The following TAFA4 variants were observed in gnomAD, a reference collection of about 807,000 sequenced individuals.
The protein encoded by TAFA4 is TAFA chemokine like family member 4, also known as chemokine-like protein TAFA-4.
In TAFA4, 20 loss-of-function variants were observed where a neutral mutation model predicts 21.1. The observed-to-expected ratio is 0.95, with a 90% CI of 0.67 to 1.38. The LOEUF (loss-of-function observed/expected upper bound fraction) is 1.38, where lower values mean the gene tolerates loss of function less well. Ranked by LOEUF, TAFA4 falls within the 40% of genes most tolerant of loss-of-function variation. The pLI is 0.00. For synonymous variants in TAFA4, 71 were observed against 67.4 expected (o/e 1.05, Z -0.26); for missense variants, 211 against 180.9 (o/e 1.17, Z -0.95).
intron 3 of TAFA4, among the ~76,000 whole-genome samples, chr3:68,755,441 T>C (rs1315945367): frequency 6.6e-6 from 1 of 152,164 alleles, no homozygotes; most frequent in African/African-American, 2.4e-5. Flanking sequence ...GCCATTCTGC[T>C]CCATGTGTCA....
intron 1 of TAFA4, among the ~76,000 whole-genome samples, chr3:68,929,004 C>T (rs1268924980): frequency 1.3e-5 from 2 of 151,552 alleles, no homozygotes; most frequent in Admixed American, 1.3e-4. Flanking sequence ...AAAAAAGAGC[C>T]CTTTTGACTG....
intron 3 of TAFA4, among the ~76,000 whole-genome samples, chr3:68,859,501 A>G (rs1297738145): frequency 1.3e-5 from 2 of 152,174 alleles, no homozygotes; most frequent in Non-Finnish European, 2.9e-5. Flanking sequence ...AATAAAATAG[A>G]GAGGGCAAAA....
At chr3:68,906,811 C>T (rs1461299839) in intron 1 of TAFA4, among the ~76,000 whole-genome samples, 1 of 151,990 alleles carries the variant, frequency 6.6e-6, no homozygotes, top group Non-Finnish European at 1.5e-5. Context: ...GGGTGGATCA[C>T]CTGAGTGTGG....
chr3:68,830,226 C>T (rs1158753501), intron 3 of TAFA4, among the ~76,000 whole-genome samples: 2 of 152,252 alleles, frequency 1.3e-5, no homozygotes, highest in African/African-American at 4.8e-5. Flanking sequence ...TTGTCTTCTG[C>T]TAGCTTTTGA....
intron 3 of TAFA4, among the ~76,000 whole-genome samples, chr3:68,777,509 A>G (rs186579352): frequency 2.6e-5 from 4 of 152,142 alleles, no homozygotes; most frequent in Admixed American, 2.0e-4. Flanking sequence ...AAATTTAAGC[A>G]GCTACATAGG....
intron 3 of TAFA4, among the ~76,000 whole-genome samples, chr3:68,853,230 G>GA (rs5849865): frequency 0.22 from 32,873 of 151,424 alleles, 4,483 homozygotes; most frequent in East Asian, 0.66. Context: ...TAGAGTTAAG[G>GA]AAAAAAAACT....
At chr3:68,797,726 G>A (rs1398926974) in intron 3 of TAFA4, among the ~76,000 whole-genome samples, 1 of 151,402 alleles carries the variant, frequency 6.6e-6, no homozygotes, top group Non-Finnish European at 1.5e-5. Flanking sequence ...AATACCATAC[G>A]AGGTACCTAG....
intron 3 of TAFA4, among the ~76,000 whole-genome samples, chr3:68,758,500 C>T (rs191601103): frequency 7.0e-4 from 106 of 152,334 alleles, no homozygotes; most frequent in African/African-American, 2.3e-3. Context: ...CACGTTAAGA[C>T]GTGACTTTGC....
intron 1 of TAFA4, among the ~76,000 whole-genome samples, chr3:68,921,782 C>T (rs969585199): frequency 6.6e-6 from 1 of 152,174 alleles, no homozygotes; most frequent in African/African-American, 2.4e-5. Context: ...GAAATTGAAG[C>T]CTTGTTTTTT....
intron 4 of TAFA4, 78 bp from the exon 5 acceptor site, chr3:68,739,277 G>A: frequency 1.3e-6 from 2 of 1,509,174 alleles, no homozygotes; most frequent in Non-Finnish European, 1.8e-6. Flanking sequence ...TCAATACAGA[G>A]TAGTACACTG....
At chr3:68,786,229 G>T (rs1575608089) in intron 3 of TAFA4, among the ~76,000 whole-genome samples, 1 of 152,088 alleles carries the variant, frequency 6.6e-6, no homozygotes, top group African/African-American at 2.4e-5. Flanking sequence ...TAACAAACCT[G>T]CACATCCTGC....
chr3:68,809,526 T>G (rs1467088020), intron 3 of TAFA4, among the ~76,000 whole-genome samples: 1 of 150,818 alleles, frequency 6.6e-6, no homozygotes, highest in African/African-American at 2.4e-5. Flanking sequence ...TTGATTTTTT[T>G]TTTTTTTTTT....
At chr3:68,736,257 A>G (rs1018228177) in intron 5 of TAFA4, among the ~76,000 whole-genome samples, 4 of 152,048 alleles carry the variant, frequency 2.6e-5, no homozygotes, top group Non-Finnish European at 5.9e-5. Flanking sequence ...CCAGATTTCA[A>G]TTAAGAAAAA....
At chr3:68,868,713 C>T (rs2089447649) in intron 3 of TAFA4, among the ~76,000 whole-genome samples, 1 of 151,858 alleles carries the variant, frequency 6.6e-6, no homozygotes, top group Non-Finnish European at 1.5e-5. Flanking sequence ...TGTAAACAAA[C>T]ATCCCAAAAT....
chr3:68,899,298 A>G (rs1326912784), intron 1 of TAFA4, among the ~76,000 whole-genome samples: 1 of 152,236 alleles, frequency 6.6e-6, no homozygotes, highest in Non-Finnish European at 1.5e-5. Context: ...ATTATTTTAG[A>G]CATAGCCAGC....
chr3:68,793,764 T>C (rs1257341628), intron 3 of TAFA4, among the ~76,000 whole-genome samples: 1 of 152,190 alleles, frequency 6.6e-6, no homozygotes, highest in Non-Finnish European at 1.5e-5. Flanking sequence ...TAATTCACCC[T>C]GTAACAATGA....
At chr3:68,902,922 A>G (rs1321035928) in intron 1 of TAFA4, among the ~76,000 whole-genome samples, 2 of 152,174 alleles carry the variant, frequency 1.3e-5, no homozygotes, top group African/African-American at 2.4e-5. Flanking sequence ...TCACTTTCCA[A>G]AGTATTTTCA....
At chr3:68,748,319 G>T (rs550937569) in intron 4 of TAFA4, among the ~76,000 whole-genome samples, 1 of 152,200 alleles carries the variant, frequency 6.6e-6, no homozygotes, top group Non-Finnish European at 1.5e-5. Flanking sequence ...GTTTTAAGTG[G>T]AAGGAGAACA....
chr3:68,747,560 G>A (rs1253026104), intron 4 of TAFA4, among the ~76,000 whole-genome samples: 1 of 152,130 alleles, frequency 6.6e-6, no homozygotes, highest in Non-Finnish European at 1.5e-5. Context: ...GTGGAACTGT[G>A]AGTCCATTAA....
Sources: allele counts gnomAD v4.1 joint callset (sites outside exome capture counted in the v4.1 genomes callset), GRCh38; gene constraint gnomAD v4.1.1; transcripts MANE v1.5; gene names NCBI Gene and HGNC (gene_info 2026-07-23, HGNC 2026-07-21).